The following LANCL2 variants were observed in gnomAD, a reference collection of about 807,000 sequenced individuals.
The protein encoded by LANCL2 is LanC like glutathione S-transferase 2.
LANCL2 carries 33 observed loss-of-function variants against 56.9 expected under a neutral mutation model. The observed-to-expected ratio is 0.58, with a 90% CI of 0.44 to 0.78. The LOEUF is 0.78. Ranked by LOEUF, LANCL2 falls within the 30% of genes least tolerant of loss-of-function variation. LANCL2 has a pLI of 0.00. For synonymous variants in LANCL2, 233 were observed against 228.2 expected, an observed-to-expected ratio of 1.02 and a Z score of -0.19; for missense variants, 562 against 580.2, an observed-to-expected ratio of 0.97 and a Z score of 0.32.
Position 55,365,912 on chromosome 7 carries a change from C to T in LANCL2, c.-114C>T. 1 of 806,496 alleles carries T rather than the reference C, an allele frequency of 1.2e-6. No homozygotes were observed. The allele number at this position is 806,496 out of a possible 1,614,324, so 50.0% of individuals were successfully genotyped here. A position where few individuals can be genotyped will look rare whatever the true frequency, so the allele number is the denominator to read the frequency against. On this transcript the variant is annotated 5_prime_UTR_variant, in exon 1 of 9. Transcript: ENST00000254770. ...CGCTCCTCCCGCCAGCGCGCGGCCT[C>T]GCTCCTCCTAGAGGACGCTCTCTGC...
At chr7:55,402,890 G>T (rs182700204) in intron 5 of LANCL2, among the ~76,000 whole-genome samples, 6,188 of 149,592 alleles carry the variant, frequency 0.041, 119 homozygotes, top group African/African-American at 0.15. Context: ...GGGCGGCCTG[G>T]CAGAGACGCT....
At chr7:55,369,344 G>C (rs2128990687) in intron 1 of LANCL2, among the ~76,000 whole-genome samples, 1 of 152,294 alleles carries the variant, frequency 6.6e-6, no homozygotes. Flanking sequence ...TTATTACTAA[G>C]TATTCTTTAA....
At chr7:55,402,646 G>T (rs1190054536) in intron 5 of LANCL2, among the ~76,000 whole-genome samples, 2 of 107,208 alleles carry the variant, frequency 1.9e-5, no homozygotes, top group Non-Finnish European at 3.9e-5. Flanking sequence ...GGCTGGGCGG[G>T]GGGCTAACCC....
intron 5 of LANCL2, among the ~76,000 whole-genome samples, chr7:55,401,694 G>A (rs1480891884): frequency 1.5e-5 from 2 of 134,222 alleles, no homozygotes; most frequent in African/African-American, 5.8e-5. Context: ...GCGGCCCTCT[G>A]CAGTGTTTGT....
In LANCL2 at chr7:55,391,790, C is replaced by G. The variant is rs758721819; in HGVS notation, c.205-3C>G. On this transcript the variant is annotated splice_polypyrimidine_tract_variant and splice_region_variant and intron_variant, in intron 1 of 8. Transcript: ENST00000254770. The stretch of plus-strand genomic sequence containing the variant: ...TAAAGTTATCTCTTCTTTTGGATCT[C>G]AGATCATTCATAATTTCATAAGACG... 2.0e-6 allele frequency: 3 copies of G among 1,493,774 alleles called. No homozygotes were observed. The South Asian group carries it at 3.4e-5, about 17-fold the overall frequency. The allele number at this position is 1,493,774 out of a possible 1,614,324, so 92.5% of individuals were successfully genotyped here. A position where few individuals can be genotyped will look rare whatever the true frequency, so the allele number is the denominator to read the frequency against.
chr7:55,393,418 G>A (rs776058811), intron 2 of LANCL2, among the ~76,000 whole-genome samples: 5 of 152,210 alleles, frequency 3.3e-5, no homozygotes, highest in Non-Finnish European at 5.9e-5. Context: ...TATAGTCCCA[G>A]CTACTGGGAA....
intron 1 of LANCL2, among the ~76,000 whole-genome samples, chr7:55,387,555 A>G (rs1443530284): frequency 6.8e-5 from 10 of 146,682 alleles, no homozygotes; most frequent in Non-Finnish European, 1.5e-5. Context: ...TTTTTTTTTT[A>G]GAAACTTTTA....
chr7:55,415,530 CT>C (rs1313083925), intron 6 of LANCL2, among the ~76,000 whole-genome samples: 2 of 151,588 alleles, frequency 1.3e-5, no homozygotes, highest in African/African-American at 2.4e-5. Flanking sequence ...TTAAGCTATA[CT>C]TTTTTTCCTC....
chr7:55,414,978 T>C, intron 6 of LANCL2, among the ~76,000 whole-genome samples: 1 of 66,934 alleles, frequency 1.5e-5, no homozygotes, highest in Admixed American at 2.6e-4. Flanking sequence ...AGCAAGACCC[T>C]ACCTCAAAAA....
chr7:55,370,988 A>G (rs898029719), intron 1 of LANCL2, among the ~76,000 whole-genome samples: 1 of 152,234 alleles, frequency 6.6e-6, no homozygotes, highest in African/African-American at 2.4e-5. Context: ...GCAAATTAAT[A>G]TATTCCCAAT....
intron 4 of LANCL2, among the ~76,000 whole-genome samples, 182 bp downstream of exon 4, chr7:55,400,286 CTTTCATCTTGTAT>C (rs1790306330): frequency 6.6e-6 from 1 of 152,208 alleles, no homozygotes. Flanking sequence ...TCTGTACTCT[CTTTCATCTTGTAT>C]TAATTTATCA....
At chr7:55,396,469 G>A (rs994672988) in intron 2 of LANCL2, among the ~76,000 whole-genome samples, 2 of 152,236 alleles carry the variant, frequency 1.3e-5, no homozygotes, top group East Asian at 1.9e-4. Context: ...TCAGCATTGG[G>A]GAAGGGAGAT....
intron 5 of LANCL2, among the ~76,000 whole-genome samples, chr7:55,404,728 C>G (rs1790385781): frequency 6.6e-6 from 1 of 152,082 alleles, no homozygotes; most frequent in Non-Finnish European, 1.5e-5. Flanking sequence ...ATTCTTCTGC[C>G]TTAGCCTCCT....
chr7:55,395,635 A>G (rs905406055), intron 2 of LANCL2, among the ~76,000 whole-genome samples: 1 of 152,120 alleles, frequency 6.6e-6, no homozygotes, highest in African/African-American at 2.4e-5. Context: ...AAGAAAGATA[A>G]AGAGAGACTT....
At chr7:55,429,244 G>A (rs114320900) in intron 8 of LANCL2, among the ~76,000 whole-genome samples, 1,854 of 152,324 alleles carry the variant, frequency 0.012, 38 homozygotes, top group African/African-American at 0.043. Flanking sequence ...ATTGGTGGAA[G>A]AATTGGTATT....
intron 1 of LANCL2, among the ~76,000 whole-genome samples, chr7:55,374,675 A>G (rs1175065510): frequency 6.6e-6 from 1 of 152,238 alleles, no homozygotes; most frequent in African/African-American, 2.4e-5. Flanking sequence ...GTAACATCAC[A>G]TCACATCTTC....
intron 6 of LANCL2, among the ~76,000 whole-genome samples, chr7:55,417,060 A>G (rs1229334724): frequency 6.8e-6 from 1 of 147,042 alleles, no homozygotes; most frequent in Non-Finnish European, 1.5e-5. Flanking sequence ...GCTCACTACA[A>G]GCTCCGCCTC....
intron 6 of LANCL2, among the ~76,000 whole-genome samples, chr7:55,421,912 G>C (rs1013498533): frequency 4.6e-5 from 7 of 151,860 alleles, no homozygotes; most frequent in African/African-American, 1.7e-4. Context: ...AATTGTTTTT[G>C]AAGAGACAGG....
At chr7:55,391,705 AT>A in intron 1 of LANCL2, 87 bp from the exon 2 acceptor site, 1 of 732,798 alleles carries the variant, frequency 1.4e-6, no homozygotes, top group Non-Finnish European at 2.4e-6. Flanking sequence ...TCTGTCTGTT[AT>A]GTTTGTACAA....
Sources: gnomAD v4.1 joint callset for allele counts (sites outside exome capture counted in the v4.1 genomes callset) on GRCh38, gnomAD v4.1.1 for gene constraint, MANE v1.5 for transcripts, NCBI Gene and HGNC (gene_info 2026-07-23, HGNC 2026-07-21) for gene names.